GRIN2B: variants seen among roughly 807,000 people sequenced by gnomAD.
The protein encoded by GRIN2B is glutamate receptor ionotropic, NMDA 2B.
GRIN2B carries 5 observed loss-of-function variants against 114.5 expected under a neutral mutation model. That is an observed-to-expected ratio of 0.04 (90% confidence interval 0.02 to 0.09). The LOEUF (loss-of-function observed/expected upper bound fraction) is 0.09, where lower values mean the gene tolerates loss of function less well. GRIN2B is among the 10% of genes least tolerant of loss of function. GRIN2B has a pLI of 1.00. For synonymous variants in GRIN2B, 787 were observed against 745.1 expected (o/e 1.06, Z -0.92); for missense variants, 1,108 against 1,943.5 (o/e 0.57, Z 8.08).
chr12:13,673,919 T>C (rs1334483848), intron 5 of GRIN2B, among the ~76,000 whole-genome samples: 1 of 152,110 alleles, frequency 6.6e-6, no homozygotes, highest in Non-Finnish European at 1.5e-5. Flanking sequence ...GTGCCTGTTA[T>C]ACATGAAGAA....
chr12:13,856,509 C>T (rs1437982316), intron 3 of GRIN2B, among the ~76,000 whole-genome samples: 2 of 152,080 alleles, frequency 1.3e-5, no homozygotes, highest in Admixed American at 6.6e-5. Flanking sequence ...GAGCTACCTA[C>T]GAAGGTGGAA....
intron 10 of GRIN2B, among the ~76,000 whole-genome samples, chr12:13,583,451 T>G (rs1948878615): frequency 6.6e-6 from 1 of 152,118 alleles, no homozygotes; most frequent in Non-Finnish European, 1.5e-5. Context: ...AGAGCAAGGA[T>G]TCAAATGCAG....
chr12:13,672,296 G>C (rs757317314), intron 5 of GRIN2B, among the ~76,000 whole-genome samples: 1 of 152,096 alleles, frequency 6.6e-6, no homozygotes, highest in African/African-American at 2.4e-5. Context: ...ACCAGTGGCT[G>C]ACAGTCCTAT....
intron 3 of GRIN2B, among the ~76,000 whole-genome samples, chr12:13,759,458 T>A (rs1439531390): frequency 6.6e-6 from 1 of 152,222 alleles, no homozygotes; most frequent in East Asian, 1.9e-4. Context: ...GTCACTTATT[T>A]ACATCCCTTT....
intron 4 of GRIN2B, among the ~76,000 whole-genome samples, chr12:13,730,383 G>C (rs1470451882): frequency 6.6e-6 from 1 of 151,848 alleles, no homozygotes; most frequent in Admixed American, 6.6e-5. Flanking sequence ...CAAACAAGCT[G>C]ACTGTGTTTT....
chr12:13,564,810 T>C lies in GRIN2B; in HGVS notation c.2599-171A>G, dbSNP rs1948616837. Among the ~76,000 whole-genome samples the C allele has an allele frequency of 6.6e-6, 1 of 152,170 alleles. No homozygotes were observed. The highest frequency in any genetic ancestry group is 1.9e-4 in the East Asian group (1 of 5,192). On this transcript the variant is annotated intron_variant, in intron 13 of 13. Transcript: ENST00000609686. The surrounding 1 kb of genome is among the most constrained non-coding windows in gnomAD (Gnocchi z 4.8). ...TAGAAGTTTGCCTAATTTATACCCC[T>C]AAATTTGGTGACTGTCATGTGGTGA...
chr12:13,587,688 G>A (rs964070439), intron 10 of GRIN2B, among the ~76,000 whole-genome samples: 12 of 151,974 alleles, frequency 7.9e-5, no homozygotes, highest in South Asian at 6.2e-4. Flanking sequence ...AGTTTATGTC[G>A]GAAAAACATA....
intron 4 of GRIN2B, among the ~76,000 whole-genome samples, chr12:13,695,341 G>C (rs1950250958): frequency 6.6e-6 from 1 of 152,160 alleles, no homozygotes; most frequent in Non-Finnish European, 1.5e-5. Context: ...AGTCAAGGCA[G>C]CAAAGCTGAG....
At chr12:13,911,190 C>T (rs181290700) in intron 2 of GRIN2B, among the ~76,000 whole-genome samples, 2 of 151,646 alleles carry the variant, frequency 1.3e-5, no homozygotes, top group Admixed American at 1.3e-4. Context: ...GAACATTTAG[C>T]ACAGAATTTA....
At chr12:13,768,794 G>C (rs1314185678) in intron 3 of GRIN2B, among the ~76,000 whole-genome samples, 2 of 152,324 alleles carry the variant, frequency 1.3e-5, no homozygotes, top group African/African-American at 4.8e-5. Flanking sequence ...CAGCACTTTG[G>C]GAGGCCAAGG....
At chr12:13,953,968 A>T (rs1225942816) in intron 2 of GRIN2B, among the ~76,000 whole-genome samples, 1 of 152,218 alleles carries the variant, frequency 6.6e-6, no homozygotes, top group Non-Finnish European at 1.5e-5. Flanking sequence ...TGTTTTACTC[A>T]TCAAAATGTG....
At chr12:13,974,027 T>C (rs1404473151) in intron 2 of GRIN2B, among the ~76,000 whole-genome samples, 1 of 152,198 alleles carries the variant, frequency 6.6e-6, no homozygotes, top group Non-Finnish European at 1.5e-5. Context: ...AAGCATTTTG[T>C]GAATCCCCTA....
At chr12:13,974,265 C>G (rs1434984316) in intron 2 of GRIN2B, among the ~76,000 whole-genome samples, 1 of 152,212 alleles carries the variant, frequency 6.6e-6, no homozygotes, top group African/African-American at 2.4e-5. Flanking sequence ...GAGTTAGCTG[C>G]AATCCAGTGG....
At chr12:13,836,853 G>A (rs1865277541) in intron 3 of GRIN2B, among the ~76,000 whole-genome samples, 1 of 152,218 alleles carries the variant, frequency 6.6e-6, no homozygotes, top group South Asian at 2.1e-4. Context: ...ATGCCACTGT[G>A]AGAAGTGGTG....
chr12:13,735,882 G>A (rs904651416), intron 4 of GRIN2B, among the ~76,000 whole-genome samples: 3 of 140,388 alleles, frequency 2.1e-5, no homozygotes, highest in Non-Finnish European at 4.6e-5. Flanking sequence ...GGGTTCGGAA[G>A]GAATGGAAGA....
intron 2 of GRIN2B, among the ~76,000 whole-genome samples, chr12:13,919,246 C>G (rs758207610): frequency 2.6e-5 from 4 of 152,200 alleles, no homozygotes; most frequent in Admixed American, 6.5e-5. Flanking sequence ...TTCTTAGAGA[C>G]CTTCTGAATC....
At chr12:13,794,467 C>G (rs1041403673) in intron 3 of GRIN2B, among the ~76,000 whole-genome samples, 3 of 152,144 alleles carry the variant, frequency 2.0e-5, no homozygotes, top group Non-Finnish European at 4.4e-5. Context: ...ACTATCATGC[C>G]TCAGCTACTT....
rs923678617 is a variant in GRIN2B at position 13,570,734 on chromosome 12, G to A, written c.2172-717C>T. 2.0e-5 allele frequency among the ~76,000 whole-genome samples: 3 copies of A among 152,334 alleles called. No homozygotes were observed. The East Asian group carries it at 5.8e-4, about 29-fold the overall frequency. On this transcript the variant is annotated intron_variant, in intron 11 of 13. Transcript: ENST00000609686. ...TAAGACCAGGCGTAGGGGCAGGAAG[G>A]CATGAATCAATATTTAAAACCAACA...
chr12:13,897,764 G>A (rs1008938436), intron 2 of GRIN2B, among the ~76,000 whole-genome samples: 4 of 151,946 alleles, frequency 2.6e-5, no homozygotes, highest in African/African-American at 7.3e-5. Flanking sequence ...AGAAAGAGAT[G>A]GATGAATAGA....
Sources: gnomAD v4.1 joint callset for allele counts (sites outside exome capture counted in the v4.1 genomes callset) on GRCh38, gnomAD v4.1.1 for gene constraint, Gnocchi (gnomAD v3.1) non-coding constraint, MANE v1.5 for transcripts, NCBI Gene and HGNC (gene_info 2026-07-23, HGNC 2026-07-21) for gene names.